OGFRL1: variants seen among roughly 807,000 people sequenced by gnomAD.
OGFRL1 encodes opioid growth factor receptor like 1.
A neutral mutation model predicts 32.4 loss-of-function variants in OGFRL1; 26 were observed. That is an observed-to-expected ratio of 0.80 (90% CI 0.59 to 1.11). OGFRL1 has a LOEUF of 1.11. Among genes scored for constraint, OGFRL1 ranks in the 50% most tolerant of loss-of-function variants. The probability of loss-of-function intolerance (pLI) is 0.00; values close to 1 mark genes in which losing one functional copy is unlikely to be tolerated. For missense variants in OGFRL1, 521 were observed against 546.4 expected (o/e 0.95, Z 0.46); for synonymous variants, 211 against 201.2 (o/e 1.05, Z -0.41).
At chr6:71,292,264 C>T (rs1561946337) in intron 1 of OGFRL1, among the ~76,000 whole-genome samples, 1 of 152,148 alleles carries the variant, frequency 6.6e-6, no homozygotes, top group Non-Finnish European at 1.5e-5. Context: ...GACAGCGTAA[C>T]TAATGTTAAG....
At chr6:71,295,967 C>T (rs1353699159) in intron 3 of OGFRL1, among the ~76,000 whole-genome samples, 2 of 152,188 alleles carry the variant, frequency 1.3e-5, no homozygotes, top group African/African-American at 4.8e-5. Context: ...AGCTCTGCTA[C>T]TGTAGTACAA....
chr6:71,288,872 C>T lies in OGFRL1; in HGVS notation c.-65C>T. ...CCCTCGCCGCGGCCATGCCCGGGCC[C>T]TAGAGCGCCTGCCGCAGCTTGCGCC... On this transcript the variant is annotated 5_prime_UTR_variant, in exon 1 of 7. Coordinates refer to ENST00000370435, the MANE Select transcript of OGFRL1 (RefSeq NM_024576.5). 2 of 1,163,170 alleles carry T rather than the reference C, an allele frequency of 1.7e-6. No individual in the cohort carries two copies. Among genetic ancestry groups the T allele is most frequent in the Non-Finnish European group, 2.1e-6 (2 of 931,802 alleles). 72.1% of individuals were successfully genotyped at this position (1,163,170 alleles called of 1,614,324 possible).
chr6:71,289,649 G>A, intron 1 of OGFRL1: 6 of 982,858 alleles, frequency 6.1e-6, no homozygotes, highest in Non-Finnish European at 7.2e-6. Context: ...GGTCTAAGCC[G>A]TCAGAAGTGT....
chr6:71,293,360 A>G lies in OGFRL1; in HGVS notation c.302A>G (p.Lys101Arg). The change falls in exon 2 of 7, where the codon AAG becomes AGG. Residue 101 changes from lysine to arginine, a missense_variant. By Grantham distance (26) the Lys-to-Arg change is conservative. Coordinates refer to ENST00000370435, the MANE Select transcript of OGFRL1 (RefSeq NM_024576.5). The part of the protein sequence containing the change: ...RSFYAARDLY[K>R]YRHQYPNFKD... The stretch of plus-strand genomic sequence containing the variant: ...TTTTATGCTGCCAGGGATTTGTACA[A>G]GTACCGACACCAGTACCCAGTAAGA... 1 of 1,613,842 alleles carries G rather than the reference A, an allele frequency of 6.2e-7. No homozygotes were observed. The highest frequency in any genetic ancestry group is 8.5e-7 in the Non-Finnish European group (1 of 1,179,808).
At chr6:71,289,275 G>A (rs1765963237) in intron 1 of OGFRL1, 105 bp downstream of exon 1, 31 of 1,011,114 alleles carry the variant, frequency 3.1e-5, no homozygotes, top group Non-Finnish European at 3.5e-5. Flanking sequence ...GCGCCAGGTG[G>A]CTGCTCGCCG....
At position 71,288,982 on chromosome 6, in the gene OGFRL1, G is replaced by A; in HGVS notation, c.46G>A (p.Val16Met). ...GGTCAGCTTCCGCGAGCCCACCACCGTGGAGGACTGCGACTCCACCTGGCA... is the reference window on the plus strand; with the variant it reads ...GGTCAGCTTCCGCGAGCCCACCACCATGGAGGACTGCGACTCCACCTGGCA... ...GGVSFREPTT[V>M]EDCDSTWQTD... Residue 16 changes from valine (V) to methionine (M), a missense_variant, in exon 1 of 7, where the codon GTG (valine) becomes ATG (methionine). Val to Met is a conservative substitution (Grantham distance 21). Transcript: ENST00000370435. The A allele has an allele frequency of 2.2e-6, 3 of 1,393,242 alleles. No individual in the cohort carries two copies. Among genetic ancestry groups the A allele is most frequent in the Non-Finnish European group, 2.8e-6 (3 of 1,057,874 alleles). 86.3% of individuals were successfully genotyped at this position (1,393,242 alleles called of 1,614,324 possible). A position where few individuals can be genotyped will look rare whatever the true frequency, so the allele number is the denominator to read the frequency against.
rs1766383965 is a variant in OGFRL1, at chr6:71,301,442, G to A, written c.749G>A (p.Gly250Glu). The A allele has an allele frequency of 1.2e-6, 2 of 1,610,550 alleles. No individual in the cohort carries two copies. Among genetic ancestry groups the A allele is most frequent in the Non-Finnish European group, 1.7e-6 (2 of 1,179,136 alleles). ...TRILKSLGEL[G>E]YESFKSPLVK... ...ATTCTTAAAAGCCTTGGTGAGCTTG[G>A]ATATGAAAGTTTTAAATCTCCTCTT... is the stretch of plus-strand genomic sequence containing the variant. The change falls in exon 7 of 7, where the codon GGA becomes GAA. Residue 250 changes from glycine (G) to glutamate (E), a missense_variant. Gly to Glu is a moderately conservative substitution (Grantham distance 98). Transcript: ENST00000370435.
At chr6:71,296,459 G>A (rs758353683) in intron 4 of OGFRL1, 36 bp from the exon 5 acceptor site, 64 of 1,593,788 alleles carry the variant, frequency 4.0e-5, no homozygotes, top group Non-Finnish European at 5.3e-5. Flanking sequence ...TCCAGACAAC[G>A]TTAATAGAAA....
intron 6 of OGFRL1, among the ~76,000 whole-genome samples, chr6:71,300,577 G>A (rs754947639): frequency 5.9e-5 from 9 of 152,212 alleles, no homozygotes; most frequent in East Asian, 3.9e-4. Context: ...CCCTAATCTC[G>A]TATCTTTAAA....
In OGFRL1 at chr6:71,301,375, C is replaced by T. The variant is rs1022019818; in HGVS notation, c.693-11C>T. ...TTTCCCCCACTCATTTTATTCAATC[C>T]TCTCTTCCAGGTCCCAGCACAACTA... On this transcript the variant is annotated splice_polypyrimidine_tract_variant and intron_variant, in intron 6 of 6. Coordinates refer to ENST00000370435, the MANE Select transcript of OGFRL1 (RefSeq NM_024576.5). 2 of 1,541,782 alleles carry T rather than the reference C, an allele frequency of 1.3e-6. No homozygotes were observed. Among genetic ancestry groups the T allele is most frequent in the African/African-American group, 2.8e-5 (2 of 72,128 alleles).
intron 1 of OGFRL1, among the ~76,000 whole-genome samples, chr6:71,292,629 A>G (rs1170001464): frequency 1.3e-5 from 2 of 152,164 alleles, no homozygotes; most frequent in Non-Finnish European, 2.9e-5. Flanking sequence ...AAGTTGTTTC[A>G]ATTGGACACC....
chr6:71,294,435 G>A (rs1409730380), intron 3 of OGFRL1, among the ~76,000 whole-genome samples: 2 of 152,168 alleles, frequency 1.3e-5, no homozygotes, highest in African/African-American at 4.8e-5. Flanking sequence ...ACAGCAGTGT[G>A]AGTCACAGAA....
chr6:71,296,458 C>T (rs746411888), intron 4 of OGFRL1, 37 bp from the exon 5 acceptor site: 11 of 1,592,618 alleles, frequency 6.9e-6, no homozygotes, highest in East Asian at 6.7e-5. Context: ...TTCCAGACAA[C>T]GTTAATAGAA....
At position 71,296,817 on chromosome 6, in the gene OGFRL1, A is replaced by C; in HGVS notation, c.692A>C (p.Glu231Ala). 1 of 1,612,502 alleles carries C rather than the reference A, an allele frequency of 6.2e-7. No individual in the cohort carries two copies. The highest frequency in any genetic ancestry group is 1.1e-5 in the South Asian group (1 of 90,924). The stretch of plus-strand genomic sequence containing the variant: ...CAGGAAAGATTTCAGCATCTGAATG[A>C]GTAAGTAAAGCCCCTGTGATAAATC... ...NWQERFQHLN[E>A]SQHNYLRITR... Residue 231 changes from glutamate (E) to alanine (A), a missense_variant and splice_region_variant, in exon 6 of 7, where the codon GAG (glutamate) becomes GCG (alanine). Transcript: ENST00000370435.
chr6:71,294,238 A>C (rs117162869), intron 3 of OGFRL1, among the ~76,000 whole-genome samples: 3 of 152,022 alleles, frequency 2.0e-5, no homozygotes, highest in African/African-American at 7.2e-5. Flanking sequence ...TGCAGCTGCT[A>C]TGGTAATATG....
Position 71,288,929 on chromosome 6 carries a change from C to T in OGFRL1, c.-8C>T. 5.2e-6 allele frequency: 7 copies of T among 1,350,476 alleles called. No homozygotes were observed. The highest frequency in any genetic ancestry group is 6.8e-6 in the Non-Finnish European group (7 of 1,034,768). The allele number at this position is 1,350,476 out of a possible 1,614,324, so 83.7% of individuals were successfully genotyped here. A position where few individuals can be genotyped will look rare whatever the true frequency, so the allele number is the denominator to read the frequency against. ...CCCCGCAGCCCCGCGCCCGCCGCCGCCTCTTCAATGGGCAACCTGCTCGGC... is the reference window on the plus strand; with the variant it reads ...CCCCGCAGCCCCGCGCCCGCCGCCGTCTCTTCAATGGGCAACCTGCTCGGC... On this transcript the variant is annotated 5_prime_UTR_variant, in exon 1 of 7. Coordinates refer to ENST00000370435, the MANE Select transcript of OGFRL1 (RefSeq NM_024576.5).
At chr6:71,291,158 T>C (rs1026130719) in intron 1 of OGFRL1, among the ~76,000 whole-genome samples, 1 of 152,154 alleles carries the variant, frequency 6.6e-6, no homozygotes, top group Admixed American at 6.5e-5. Context: ...AAGAAAGTTA[T>C]AGTAGCCTGT....
intron 6 of OGFRL1, among the ~76,000 whole-genome samples, chr6:71,298,325 T>A (rs1320330080): frequency 6.6e-6 from 1 of 152,146 alleles, no homozygotes; most frequent in Non-Finnish European, 1.5e-5. Flanking sequence ...CCTATTGACA[T>A]GAAAGACAGC....
At chr6:71,291,155 T>A (rs1766039469) in intron 1 of OGFRL1, among the ~76,000 whole-genome samples, 3 of 152,104 alleles carry the variant, frequency 2.0e-5, no homozygotes, top group Admixed American at 6.5e-5. Context: ...ACTAAGAAAG[T>A]TATAGTAGCC....
Sources: allele counts gnomAD v4.1 joint callset (sites outside exome capture counted in the v4.1 genomes callset), GRCh38; gene constraint gnomAD v4.1.1; transcripts MANE v1.5; gene names NCBI Gene and HGNC (gene_info 2026-07-23, HGNC 2026-07-21).